SPAG6: variants seen among roughly 807,000 people sequenced by gnomAD.
SPAG6 encodes sperm associated antigen 6, also known as sperm-associated antigen 6.
Under a neutral mutation model 58.5 loss-of-function variants are expected in SPAG6, and 49 were observed. The ratio of observed to expected loss-of-function variants is 0.84; its 90% confidence interval spans 0.67 to 1.06. The LOEUF is 1.06. Ranked by LOEUF, SPAG6 falls within the 50% of genes least tolerant of loss-of-function variation. The pLI is 0.00. For synonymous variants in SPAG6, 233 were observed against 225.6 expected (o/e 1.03, Z -0.29); for missense variants, 560 against 611.3 (o/e 0.92, Z 0.89).
chr10:22,387,775 G>A, intron 5 of SPAG6, 48 bp from the exon 6 acceptor site: 1 of 1,552,148 alleles, frequency 6.4e-7, no homozygotes, highest in Non-Finnish European at 8.7e-7. Flanking sequence ...ACTCTGTAGT[G>A]GATGCTATAT....
chr10:22,360,247 A>G (rs913125236), intron 2 of SPAG6, among the ~76,000 whole-genome samples: 1 of 151,516 alleles, frequency 6.6e-6, no homozygotes, highest in South Asian at 2.1e-4. Flanking sequence ...TCTTTTTTGA[A>G]TGAATGACTG....
chr10:22,348,336 C>T (rs1192680691), intron 2 of SPAG6, among the ~76,000 whole-genome samples: 1 of 152,094 alleles, frequency 6.6e-6, no homozygotes, highest in Non-Finnish European at 1.5e-5. Context: ...TAAAAAATTA[C>T]AATTTTAAAA....
intron 4 of SPAG6, among the ~76,000 whole-genome samples, chr10:22,370,059 A>C (rs1833647525): frequency 3.3e-5 from 5 of 152,216 alleles, no homozygotes; most frequent in Admixed American, 3.3e-4. Context: ...TGAGGCAACA[A>C]ATTTAAAAGG....
chr10:22,412,376 A>T, intron 10 of SPAG6: 1 of 819,836 alleles, frequency 1.2e-6, no homozygotes, highest in Non-Finnish European at 2.0e-6. Flanking sequence ...GTATGGTAAC[A>T]TTAATTTTAA....
intron 10 of SPAG6, among the ~76,000 whole-genome samples, chr10:22,412,071 G>T (rs1174990435): frequency 6.6e-6 from 1 of 151,866 alleles, no homozygotes; most frequent in African/African-American, 2.4e-5. Context: ...GGTTGGTCTC[G>T]ATATCCTGAC....
chr10:22,416,582 G>A (rs767560323), intron 10 of SPAG6, 37 bp from the exon 11 acceptor site: 21 of 1,303,640 alleles, frequency 1.6e-5, no homozygotes, highest in South Asian at 4.8e-5. Flanking sequence ...TGTGTTGATC[G>A]TTTCACCAGC....
intron 3 of SPAG6, 100 bp downstream of exon 3, chr10:22,365,119 AG>A: frequency 1.3e-6 from 1 of 773,030 alleles, no homozygotes; most frequent in South Asian, 2.1e-5. Flanking sequence ...TAAAATTATT[AG>A]GGGGTTAACA....
At chr10:22,408,214 C>A (rs1447928031) in intron 9 of SPAG6, among the ~76,000 whole-genome samples, 1 of 141,052 alleles carries the variant, frequency 7.1e-6, no homozygotes, top group East Asian at 2.0e-4. Context: ...AGGCGCTCTG[C>A]TTTTTAGAGT....
intron 10 of SPAG6, among the ~76,000 whole-genome samples, chr10:22,415,682 T>A (rs1161486902): frequency 2.0e-5 from 3 of 152,050 alleles, no homozygotes; most frequent in Non-Finnish European, 4.4e-5. Context: ...AAATTATGAG[T>A]TTTTAGGTCA....
intron 2 of SPAG6, among the ~76,000 whole-genome samples, chr10:22,352,842 A>T (rs530063300): frequency 6.6e-5 from 10 of 152,340 alleles, no homozygotes; most frequent in African/African-American, 1.7e-4. Context: ...TATAGGTATA[A>T]TATATAATAT....
intron 5 of SPAG6, 67 bp downstream of exon 5, chr10:22,387,026 AC>A (rs1834081749): frequency 8.4e-7 from 1 of 1,193,548 alleles, no homozygotes; most frequent in Non-Finnish European, 1.2e-6. Context: ...AAATGTGTAC[AC>A]GTGAATATTT....
chr10:22,348,398 CAA>C (rs1836626250), intron 2 of SPAG6, among the ~76,000 whole-genome samples: 1 of 152,142 alleles, frequency 6.6e-6, no homozygotes, highest in Non-Finnish European at 1.5e-5. Flanking sequence ...ACATTATGGT[CAA>C]ACTTTTTTTC....
rs530100797 is a variant in SPAG6, at chr10:22,345,833, C to G, written c.121+15C>G. ...GCAGAACGCGGGTGAGCCCGGAGCC[C>G]GAACCCCCGTCGCCCCCCGCGCACT... On this transcript the variant is annotated intron_variant, in intron 2 of 10. Coordinates refer to ENST00000376624, the MANE Select transcript of SPAG6 (RefSeq NM_012443.4). This position sits in a 1 kb window ranked among gnomAD's most constrained non-coding sequence, Gnocchi z 6.3. 4 of 1,609,364 alleles carry G rather than the reference C, an allele frequency of 2.5e-6. No individual in the cohort carries two copies. Among genetic ancestry groups the G allele is most frequent in the Admixed American group, 3.4e-5 (2 of 59,628 alleles).
rs1428945536 is a variant in SPAG6, at chr10:22,416,689, G to A, written c.*1G>A. 6.3e-7 allele frequency: 1 copy of A among 1,583,670 alleles called. No homozygotes were observed. The highest frequency in any genetic ancestry group is 1.7e-5 in the Admixed American group (1 of 59,948). On this transcript the variant is annotated 3_prime_UTR_variant, in exon 11 of 11. Coordinates refer to ENST00000376624, the MANE Select transcript of SPAG6 (RefSeq NM_012443.4). ...CAGCTATCAACCACTTAATAACTGA[G>A]CAAAGTTATATTGTGATACTCAAAT...
chr10:22,369,072 A>G (rs1311534474), intron 4 of SPAG6, among the ~76,000 whole-genome samples: 1 of 152,044 alleles, frequency 6.6e-6, no homozygotes, highest in Non-Finnish European at 1.5e-5. Flanking sequence ...TTAGTTAGTC[A>G]CCCTCTTGGG....
intron 6 of SPAG6, 87 bp from the exon 7 acceptor site, chr10:22,389,073 G>A: frequency 9.3e-7 from 1 of 1,074,512 alleles, no homozygotes; most frequent in Non-Finnish European, 1.3e-6. Flanking sequence ...GTTGTTTTTA[G>A]GTTCTAAATA....
Position 22,387,885 on chromosome 10 carries a change from T to C in SPAG6, c.741T>C (p.Val247=). 6.2e-7 allele frequency: 1 copy of C among 1,613,670 alleles called. No individual in the cohort carries two copies. Among genetic ancestry groups the C allele is most frequent in the Non-Finnish European group, 8.5e-7 (1 of 1,179,766 alleles). ...ATTCCGTGGATCTGGCAGAAATGGT[T>C]GTTGAAGCAGAGATTTTTCCAGTTG... ...SKHSVDLAEM[V]VEAEIFPVVL... Residue 247 remains valine (V), a synonymous_variant, in exon 6 of 11, where the codon GTT becomes GTC. Coordinates refer to ENST00000376624, the MANE Select transcript of SPAG6 (RefSeq NM_012443.4).
At chr10:22,381,491 A>G (rs1431583535) in intron 4 of SPAG6, among the ~76,000 whole-genome samples, 2 of 147,044 alleles carry the variant, frequency 1.4e-5, no homozygotes, top group African/African-American at 2.5e-5. Context: ...GCACTTCACT[A>G]CTGCTCTCCC....
intron 2 of SPAG6, among the ~76,000 whole-genome samples, chr10:22,346,594 A>G (rs1836565089): frequency 6.6e-6 from 1 of 151,244 alleles, no homozygotes; most frequent in Non-Finnish European, 1.5e-5. Flanking sequence ...ACTGTAAGGT[A>G]GCATTTTATC....
Sources: allele counts gnomAD v4.1 joint callset (sites outside exome capture counted in the v4.1 genomes callset), GRCh38; gene constraint gnomAD v4.1.1; non-coding constraint Gnocchi (gnomAD v3.1); transcripts MANE v1.5; gene names NCBI Gene and HGNC (gene_info 2026-07-23, HGNC 2026-07-21).